MPRIP: variants seen among roughly 807,000 people sequenced by gnomAD.
MPRIP encodes the protein myosin phosphatase Rho-interacting protein.
A neutral mutation model predicts 234.9 loss-of-function variants in MPRIP; 59 were observed. That is an observed-to-expected ratio of 0.25 (90% CI 0.20 to 0.31). MPRIP has a LOEUF of 0.31. Ranked by LOEUF, MPRIP falls within the 10% of genes least tolerant of loss-of-function variation. The probability of loss-of-function intolerance (pLI) is 1.00; values close to 1 mark genes in which losing one functional copy is unlikely to be tolerated. For missense variants in MPRIP, 2,436 were observed against 3,071.0 expected, an observed-to-expected ratio of 0.79 and a Z score of 4.89; for synonymous variants, 1,144 against 1,263.9, an observed-to-expected ratio of 0.91 and a Z score of 2.01.
chr17:17,076,138 A>G (rs138672170), intron 2 of MPRIP: 93 of 196,390 alleles, frequency 4.7e-4, no homozygotes, highest in African/African-American at 2.0e-3. Flanking sequence ...CTGCCCCTGT[A>G]GCACCTCCCT....
intron 3 of MPRIP, among the ~76,000 whole-genome samples, chr17:17,124,683 CAA>C (rs112310679): frequency 2.9e-4 from 44 of 152,304 alleles, no homozygotes; most frequent in South Asian, 1.7e-3. Flanking sequence ...CCTCAGCAAA[CAA>C]GAGAGTCCAC....
intron 23 of MPRIP, among the ~76,000 whole-genome samples, chr17:17,181,044 C>T (rs1212944336): frequency 3.3e-5 from 5 of 152,220 alleles, no homozygotes; most frequent in African/African-American, 1.2e-4. Context: ...CCAAAGGCCT[C>T]GCCCACCTAG....
chr17:17,091,811 T>G (rs2089725299), intron 3 of MPRIP, among the ~76,000 whole-genome samples: 2 of 152,154 alleles, frequency 1.3e-5, no homozygotes, highest in African/African-American at 2.4e-5. Flanking sequence ...GCCTTGGGTT[T>G]CTTGTTTCTT....
At chr17:17,157,325 T>C (rs2045750555) in intron 13 of MPRIP, among the ~76,000 whole-genome samples, 1 of 152,224 alleles carries the variant, frequency 6.6e-6, no homozygotes, top group Admixed American at 6.5e-5. Flanking sequence ...GAGCACGACC[T>C]GCGCAGCTCA....
chr17:17,180,957 CAG>C (rs1019618600), intron 23 of MPRIP, among the ~76,000 whole-genome samples: 1 of 152,232 alleles, frequency 6.6e-6, no homozygotes, highest in African/African-American at 2.4e-5. Flanking sequence ...TCCACCCCCT[CAG>C]GGGACACTTG....
rs897815224 is a variant in MPRIP at position 17,078,851 on chromosome 17, G to T, written c.267+775G>T. Reference sequence around the variant, plus strand: ...AGGGTTGAAGATGCGAGATTTGATCGCCTTTTCCAGTTCCACTTGGTGGGT... The same window carrying T: ...AGGGTTGAAGATGCGAGATTTGATCTCCTTTTCCAGTTCCACTTGGTGGGT... On this transcript the variant is annotated intron_variant, in intron 3 of 23. Transcript: ENST00000651222. This position sits in a 1 kb window ranked among gnomAD's most constrained non-coding sequence, Gnocchi z 4.3. Among the ~76,000 whole-genome samples, 1 of 152,158 alleles carries T rather than the reference G, an allele frequency of 6.6e-6. No individual in the cohort carries two copies. Among genetic ancestry groups the T allele is most frequent in the Non-Finnish European group, 1.5e-5 (1 of 68,034 alleles).
rs1398346492 is a variant in MPRIP at position 17,166,822 on chromosome 17, C to T, written c.5231C>T (p.Ser1744Phe). The change falls in exon 16 of 24, where the codon TCC becomes TTC. Residue 1744 changes from serine to phenylalanine, a missense_variant. By Grantham distance (155) the Ser-to-Phe change is radical. Coordinates refer to ENST00000651222, the MANE Select transcript of MPRIP (RefSeq NM_001364716.4). The surrounding 1 kb of genome is among the most constrained non-coding windows in gnomAD (Gnocchi z 4.4). ...PAGHEDGVQLSWDLSPLGEVL... is the reference protein window; with the variant it reads ...PAGHEDGVQLFWDLSPLGEVL... ...GGCCATGAAGATGGTGTTCAGCTGT[C>T]CTGGGACCTGAGCCCCTTAGGAGAA... is the stretch of plus-strand genomic sequence containing the variant. The T allele has an allele frequency of 7.7e-7, 1 of 1,304,224 alleles. No homozygotes were observed. The highest frequency in any genetic ancestry group is 1.0e-6 in the Non-Finnish European group (1 of 988,962). The allele number at this position is 1,304,224 out of a possible 1,614,324, so 80.8% of individuals were successfully genotyped here.
chr17:17,159,095 C>A, intron 14 of MPRIP, 93 bp downstream of exon 14: 4 of 1,320,604 alleles, frequency 3.0e-6, no homozygotes, highest in Middle Eastern at 2.1e-4. Flanking sequence ...TTCATCTAGA[C>A]AGTCCTACCC....
rs140533351 is a variant in MPRIP at position 17,112,618 on chromosome 17, C to T, written c.268-14084C>T. On this transcript the variant is annotated intron_variant, in intron 3 of 23. Transcript: ENST00000651222. ...CAGGACCGTCATCTGCATGGTTCAT[C>T]GCTCCCATGAACTGAGTTCCACTTA... Among the ~76,000 whole-genome samples, 29 of 152,260 alleles carry T rather than the reference C, an allele frequency of 1.9e-4. 1 individual carries two copies. In the East Asian group the frequency reaches 5.0e-3, roughly 26 times the overall value.
chr17:17,177,134 C>T, intron 21 of MPRIP, 116 bp from the exon 22 acceptor site: 2 of 1,062,294 alleles, frequency 1.9e-6, no homozygotes, highest in South Asian at 2.9e-5. Flanking sequence ...AACAAGCCTC[C>T]TCTTCCGCCC....
intron 1 of MPRIP, among the ~76,000 whole-genome samples, chr17:17,063,907 C>G (rs1012322081): frequency 1.3e-5 from 2 of 152,220 alleles, no homozygotes; most frequent in Non-Finnish European, 2.9e-5. Flanking sequence ...TGCCCCTGGC[C>G]ACCCGCTTGG....
Position 17,185,975 on chromosome 17 carries a change from C to T in MPRIP, c.*1081C>T, listed in dbSNP as rs1461213215. ...TTAAAAGAGCCTGGTTAAAGTAAAC[C>T]TATACTAACAATTTTGCTTTTTCTA... is the stretch of plus-strand genomic sequence containing the variant. On this transcript the variant is annotated 3_prime_UTR_variant, in exon 24 of 24. Coordinates refer to ENST00000651222, the MANE Select transcript of MPRIP (RefSeq NM_001364716.4). 6.4e-6 allele frequency: 1 copy of T among 155,974 alleles called. No homozygotes were observed. The highest frequency in any genetic ancestry group is 1.4e-5 in the Non-Finnish European group (1 of 70,664). The allele number at this position is 155,974 out of a possible 1,614,324, so 9.7% of individuals were successfully genotyped here.
chr17:17,104,312 A>G (rs1470269896), intron 3 of MPRIP, among the ~76,000 whole-genome samples: 17 of 152,220 alleles, frequency 1.1e-4, no homozygotes, highest in Admixed American at 1.1e-3. Context: ...ATGTGCATAC[A>G]GCAGTGTACC....
intron 1 of MPRIP, among the ~76,000 whole-genome samples, chr17:17,064,125 G>T (rs553048001): frequency 6.6e-6 from 1 of 152,160 alleles, no homozygotes; most frequent in South Asian, 2.1e-4. Flanking sequence ...AAGAAGGCCC[G>T]TGGCCATACC....
chr17:17,172,613 C>G, intron 17 of MPRIP, 85 bp from the exon 18 acceptor site: 1 of 1,014,124 alleles, frequency 9.9e-7, no homozygotes, highest in South Asian at 1.3e-5. Flanking sequence ...CAGGCGCCAT[C>G]CCATTGTGTG....
chr17:17,180,432 T>G (rs1001956458), intron 23 of MPRIP, among the ~76,000 whole-genome samples: 1 of 152,236 alleles, frequency 6.6e-6, no homozygotes, highest in Non-Finnish European at 1.5e-5. Flanking sequence ...GTTGTGACAC[T>G]GGTGCCGCCT....
At chr17:17,150,003 A>G (rs937247956) in intron 11 of MPRIP, 141 bp from the exon 12 acceptor site, 13 of 661,770 alleles carry the variant, frequency 2.0e-5, no homozygotes, top group African/African-American at 7.2e-5. Context: ...ATGCAGTAGT[A>G]GGATAGACGG....
chr17:17,171,484 A>G, intron 16 of MPRIP: 1 of 514,274 alleles, frequency 1.9e-6, no homozygotes, highest in South Asian at 2.8e-5. Context: ...AGTCACAGAA[A>G]TAAGAGGTAG....
chr17:17,150,313 G>C (rs1001139606), intron 12 of MPRIP, 80 bp downstream of exon 12: 2 of 1,081,994 alleles, frequency 1.8e-6, no homozygotes, highest in Admixed American at 3.5e-5. Context: ...TGGGCTGGGG[G>C]CACTTCTGGA....
Sources: allele counts gnomAD v4.1 joint callset (sites outside exome capture counted in the v4.1 genomes callset), GRCh38; gene constraint gnomAD v4.1.1; non-coding constraint Gnocchi (gnomAD v3.1); transcripts MANE v1.5; gene names NCBI Gene and HGNC (gene_info 2026-07-23, HGNC 2026-07-21).